Variants in ANAPC4 observed in about 807,000 individuals in gnomAD.
The protein encoded by ANAPC4 is anaphase-promoting complex subunit 4.
ANAPC4 carries 63 observed loss-of-function variants against 119.8 expected under a neutral mutation model. The ratio of observed to expected loss-of-function variants is 0.53; its 90% CI spans 0.43 to 0.65. ANAPC4 has a LOEUF of 0.65. Among genes scored for constraint, ANAPC4 ranks in the 30% least tolerant of loss-of-function variants. The pLI is 0.00. For synonymous variants in ANAPC4, 283 were observed against 318.6 expected (o/e 0.89, Z 1.19); for missense variants, 716 against 945.1 (o/e 0.76, Z 3.18).
At chr4:25,398,173 A>C in intron 16 of ANAPC4, among the ~76,000 whole-genome samples, 1 of 152,010 alleles carries the variant, frequency 6.6e-6, no homozygotes, top group Non-Finnish European at 1.5e-5. Context: ...TACATTTTTC[A>C]TATCTTTGTC....
intron 2 of ANAPC4, 107 bp from the exon 3 acceptor site, chr4:25,380,267 A>G (rs2109107571): frequency 1.5e-6 from 1 of 668,678 alleles, no homozygotes; most frequent in East Asian, 2.7e-5. Context: ...ATAGCTAAGT[A>G]TATATGAGAG....
At chr4:25,417,845 A>AT (rs1723969431) in intron 28 of ANAPC4, 106 bp downstream of exon 28, 2 of 1,411,260 alleles carry the variant, frequency 1.4e-6, no homozygotes, top group Non-Finnish European at 1.9e-6. Context: ...TTGTGCAAAT[A>AT]TTTTTACTGT....
intron 3 of ANAPC4, among the ~76,000 whole-genome samples, chr4:25,382,026 C>T (rs1721759703): frequency 6.6e-6 from 1 of 152,148 alleles, no homozygotes; most frequent in Non-Finnish European, 1.5e-5. Flanking sequence ...CCAATATTTC[C>T]CGATAAAATA....
chr4:25,407,152 TTCG>T lies in ANAPC4; in HGVS notation c.1375-43_1375-41del, dbSNP rs754743927. The T allele has an allele frequency of 2.0e-6, 3 of 1,504,598 alleles. No individual in the cohort carries two copies. In the South Asian group the frequency reaches 3.6e-5, roughly 18 times the overall value. The allele number at this position is 1,504,598 out of a possible 1,614,324, so 93.2% of individuals were successfully genotyped here. A position where few individuals can be genotyped will look rare whatever the true frequency, so the allele number is the denominator to read the frequency against. On this transcript the variant is annotated intron_variant, in intron 19 of 28. Transcript: ENST00000315368. ...TGGGTTTAAATTTAAGATATTTTTC[TTCG>T]TGAGTTGACTTAAGAATTAAACTAT...
chr4:25,411,139 T>C (rs905851643), intron 21 of ANAPC4, among the ~76,000 whole-genome samples: 5 of 152,170 alleles, frequency 3.3e-5, no homozygotes, highest in African/African-American at 1.2e-4. Flanking sequence ...AGGAGATGCA[T>C]TGGTGCAAGT....
chr4:25,400,987 G>C (rs540393593), intron 16 of ANAPC4, among the ~76,000 whole-genome samples: 1 of 152,238 alleles, frequency 6.6e-6, no homozygotes, highest in African/African-American at 2.4e-5. Flanking sequence ...TGGAGGACAG[G>C]ATCATTAAAC....
At chr4:25,413,441 A>T (rs1044777669) in intron 21 of ANAPC4, 3 of 450,586 alleles carry the variant, frequency 6.7e-6, no homozygotes, top group Non-Finnish European at 1.2e-5. Context: ...GATTGTTTTT[A>T]GTGAGCTGTC....
chr4:25,396,348 T>A (rs1722651959), intron 14 of ANAPC4, among the ~76,000 whole-genome samples: 1 of 152,184 alleles, frequency 6.6e-6, no homozygotes, highest in African/African-American at 2.4e-5. Flanking sequence ...TAAGAAATAT[T>A]TATTGAACAT....
chr4:25,412,535 G>A (rs1396009442), intron 21 of ANAPC4, among the ~76,000 whole-genome samples: 2 of 151,972 alleles, frequency 1.3e-5, no homozygotes, highest in Non-Finnish European at 2.9e-5. Flanking sequence ...AGGGTGAGGT[G>A]GGCGGATCAC....
At chr4:25,396,083 T>C (rs1349810046) in intron 14 of ANAPC4, among the ~76,000 whole-genome samples, 1 of 152,226 alleles carries the variant, frequency 6.6e-6, no homozygotes, top group Non-Finnish European at 1.5e-5. Context: ...GTTCTTCACA[T>C]GCATTCTTCA....
intron 16 of ANAPC4, among the ~76,000 whole-genome samples, chr4:25,399,905 G>T (rs1026531531): frequency 6.6e-6 from 1 of 152,186 alleles, no homozygotes; most frequent in South Asian, 2.1e-4. Context: ...ACAACCAGAG[G>T]AGTAGGCGTC....
intron 21 of ANAPC4, 114 bp from the exon 22 acceptor site, chr4:25,413,531 A>G (rs1478652354): frequency 1.9e-5 from 14 of 725,838 alleles, no homozygotes; most frequent in Admixed American, 9.5e-5. Context: ...GGTCAGTGAA[A>G]ATTCTACCTC....
chr4:25,404,643 G>C (rs552733174), intron 17 of ANAPC4, among the ~76,000 whole-genome samples: 2 of 152,036 alleles, frequency 1.3e-5, no homozygotes, highest in Non-Finnish European at 2.9e-5. Flanking sequence ...ATGGCTTACC[G>C]CTCGGTCCTT....
intron 21 of ANAPC4, among the ~76,000 whole-genome samples, chr4:25,410,159 A>C (rs754318883): frequency 6.6e-6 from 1 of 152,072 alleles, no homozygotes; most frequent in Non-Finnish European, 1.5e-5. Flanking sequence ...GCTCAACTGT[A>C]TTCTCCTCGG....
At chr4:25,410,767 A>T (rs1723512368) in intron 21 of ANAPC4, among the ~76,000 whole-genome samples, 1 of 152,242 alleles carries the variant, frequency 6.6e-6, no homozygotes, top group Non-Finnish European at 1.5e-5. Flanking sequence ...GTCAAAATGC[A>T]GTCAAGACTT....
In ANAPC4 at chr4:25,416,515, A is replaced by C. The variant is rs1043795148; in HGVS notation, c.1992A>C (p.Arg664Ser). The change falls in exon 27 of 29, where the codon AGA becomes AGC. Residue 664 changes from arginine to serine, a missense_variant. Arg to Ser is a moderately radical substitution (Grantham distance 110, BLOSUM62 -1). This residue lies in a region of ANAPC4 where 504 missense variants were observed against 615.8 expected (regional missense o/e 0.82). Transcript: ENST00000315368. ...KDTVGREGRD[R>S]LLVQLPLSLV... is the part of the protein sequence containing the mutation. The stretch of plus-strand genomic sequence containing the variant: ...CTGTAGGACGTGAAGGAAGAGATAG[A>C]CTCTTGGTCCAGCTGCCTTTGTCTT... The C allele has an allele frequency of 6.2e-7, 1 of 1,607,514 alleles. No homozygotes were observed. Among genetic ancestry groups the C allele is most frequent in the East Asian group, 2.2e-5 (1 of 44,790 alleles).
At chr4:25,391,408 G>A (rs1226221352) in intron 9 of ANAPC4, among the ~76,000 whole-genome samples, 1 of 152,180 alleles carries the variant, frequency 6.6e-6, no homozygotes, top group Non-Finnish European at 1.5e-5. Context: ...ATCATAATAG[G>A]CAGATACTGT....
At position 25,388,841 on chromosome 4, in the gene ANAPC4, A is replaced by G. The variant is rs755955531; in HGVS notation, c.474A>G (p.Glu158=). The change falls in exon 7 of 29, where the codon GAA becomes GAG. Residue 158 remains glutamate, a synonymous_variant. Coordinates refer to ENST00000315368, the MANE Select transcript of ANAPC4 (RefSeq NM_013367.3). ...CCAATTTACTTCTATATTTTAGTGAAGAAAATTCTGATGAAATTATTAAGC... is the reference window on the plus strand; with the variant it reads ...CCAATTTACTTCTATATTTTAGTGAGGAAAATTCTGATGAAATTATTAAGC... ...NYSNTSKIFS[E]ENSDEIIKLL... 1 of 1,605,744 alleles carries G rather than the reference A, an allele frequency of 6.2e-7. No homozygotes were observed. Among genetic ancestry groups the G allele is most frequent in the Non-Finnish European group, 8.5e-7 (1 of 1,174,950 alleles).
At chr4:25,392,895 C>G (rs933845693) in intron 10 of ANAPC4, among the ~76,000 whole-genome samples, 2 of 152,150 alleles carry the variant, frequency 1.3e-5, no homozygotes, top group Non-Finnish European at 2.9e-5. Flanking sequence ...ACTCCACATC[C>G]TTCATACTCC....
Sources: gnomAD v4.1 joint callset for allele counts (sites outside exome capture counted in the v4.1 genomes callset) on GRCh38, gnomAD v4.1.1 for gene constraint, gnomAD v4.1.1 regional missense constraint, MANE v1.5 for transcripts, NCBI Gene and HGNC (gene_info 2026-07-23, HGNC 2026-07-21) for gene names.